Variants in CDH13 observed in about 807,000 individuals in gnomAD.
CDH13 encodes cadherin-13.
In CDH13, 24 loss-of-function variants were observed where a neutral mutation model predicts 63.8. The observed-to-expected ratio is 0.38, with a 90% CI of 0.27 to 0.53. The LOEUF (loss-of-function observed/expected upper bound fraction) is 0.53. Among genes scored for constraint, CDH13 ranks in the 20% least tolerant of loss-of-function variants. CDH13 has a pLI of 0.85. For missense variants in CDH13, 1,049 were observed against 903.1 expected (o/e 1.16, Z -2.07); for synonymous variants, 503 against 355.3 (o/e 1.42, Z -4.67).
intron 5 of CDH13, among the ~76,000 whole-genome samples, chr16:83,308,390 G>C (rs559603841): frequency 1.4e-4 from 22 of 152,330 alleles, no homozygotes; most frequent in African/African-American, 5.3e-4. Flanking sequence ...AGATGTTCTA[G>C]ATTTTCCTGG....
At position 82,667,617 on chromosome 16, in the gene CDH13, G is replaced by A. The variant is rs142610997; in HGVS notation, c.45+40480G>A. Among the ~76,000 whole-genome samples, 334 of 152,254 alleles carry A rather than the reference G, an allele frequency of 2.2e-3. 4 individuals are homozygous for A. The highest frequency in any genetic ancestry group is 3.4e-3 in the Non-Finnish European group (233 of 68,016). Reference sequence around the variant, plus strand: ...GAGAGGAGTTGTCTGATGTCACGTTGCCCCTATCTGAAGTTGGACAGAGCC... The same window carrying A: ...GAGAGGAGTTGTCTGATGTCACGTTACCCCTATCTGAAGTTGGACAGAGCC... On this transcript the variant is annotated intron_variant, in intron 1 of 13. Coordinates refer to ENST00000567109, the MANE Select transcript of CDH13 (RefSeq NM_001257.5).
chr16:83,236,052 T>C (rs536846006), intron 5 of CDH13, among the ~76,000 whole-genome samples: 4 of 152,342 alleles, frequency 2.6e-5, no homozygotes, highest in Admixed American at 6.5e-5. Flanking sequence ...ATTTAACTTA[T>C]GATTCCAAAT....
chr16:82,833,168 T>C (rs1294110880), intron 1 of CDH13, among the ~76,000 whole-genome samples: 1 of 152,220 alleles, frequency 6.6e-6, no homozygotes, highest in African/African-American at 2.4e-5. Context: ...GTAAGTCATC[T>C]AAAAAACAAA....
At chr16:83,128,301 C>G (rs2035899722) in intron 4 of CDH13, among the ~76,000 whole-genome samples, 1 of 152,200 alleles carries the variant, frequency 6.6e-6, no homozygotes, top group South Asian at 2.1e-4. Flanking sequence ...TGTGGACCAG[C>G]TACATTAGCA....
chr16:82,885,988 G>C (rs2040874594), intron 2 of CDH13, among the ~76,000 whole-genome samples: 1 of 152,046 alleles, frequency 6.6e-6, no homozygotes, highest in South Asian at 2.1e-4. Context: ...TCAAGATCTG[G>C]TGAGAAAACA....
At chr16:83,763,090 C>CG (rs1454389045) in intron 11 of CDH13, among the ~76,000 whole-genome samples, 1 of 152,046 alleles carries the variant, frequency 6.6e-6, no homozygotes, top group African/African-American at 2.4e-5. Flanking sequence ...TTTAAAAGAA[C>CG]GGGGGAGTGA....
At chr16:83,719,426 T>C (rs1007985944) in intron 10 of CDH13, among the ~76,000 whole-genome samples, 1 of 151,590 alleles carries the variant, frequency 6.6e-6, no homozygotes, top group East Asian at 1.9e-4. Flanking sequence ...ACACTCCACG[T>C]CACTCACCCA....
chr16:82,857,527 T>C (rs936174208), intron 1 of CDH13, among the ~76,000 whole-genome samples: 3 of 152,212 alleles, frequency 2.0e-5, no homozygotes, highest in African/African-American at 4.8e-5. Context: ...GAGAGAATCG[T>C]ATACATCTCA....
intron 8 of CDH13, among the ~76,000 whole-genome samples, chr16:83,648,972 A>G (rs951710943): frequency 9.9e-5 from 15 of 152,264 alleles, no homozygotes; most frequent in East Asian, 5.8e-4. Context: ...CTACTATGCT[A>G]TCTGGCAATT....
chr16:82,987,441 A>G (rs1911083189), intron 2 of CDH13, among the ~76,000 whole-genome samples: 1 of 152,086 alleles, frequency 6.6e-6, no homozygotes, highest in Non-Finnish European at 1.5e-5. Context: ...CAGTGTCACG[A>G]TCCTGGCTCA....
intron 2 of CDH13, among the ~76,000 whole-genome samples, chr16:82,956,095 G>T (rs187824577): frequency 5.3e-5 from 8 of 151,956 alleles, no homozygotes; most frequent in African/African-American, 1.4e-4. Context: ...CCCAGCCCCA[G>T]ACTTTTTTTT....
At chr16:83,350,674 A>G (rs971733718) in intron 6 of CDH13, among the ~76,000 whole-genome samples, 5 of 152,088 alleles carry the variant, frequency 3.3e-5, no homozygotes, top group African/African-American at 1.2e-4. Context: ...TGGTATTCAT[A>G]GCTGAGGAGG....
chr16:83,116,517 C>T (rs1567844934), intron 3 of CDH13, among the ~76,000 whole-genome samples: 1 of 151,680 alleles, frequency 6.6e-6, no homozygotes, highest in South Asian at 2.1e-4. Flanking sequence ...TTCACATCAG[C>T]AATGAAAGAG....
In CDH13 at chr16:83,603,385, C is replaced by T. The variant is rs549885124; in HGVS notation, c.1101+791C>T. On this transcript the variant is annotated intron_variant, in intron 8 of 13. Transcript: ENST00000567109. ...TTTACTGTATCTACCATGGTGTCTCCCCCTGAGATCTGTTGCCTGATTTGA... is the reference window on the plus strand; with the variant it reads ...TTTACTGTATCTACCATGGTGTCTCTCCCTGAGATCTGTTGCCTGATTTGA... 5.1e-4 allele frequency among the ~76,000 whole-genome samples: 78 copies of T among 152,274 alleles called. 1 individual carries two copies. The highest frequency in any genetic ancestry group is 9.1e-4 in the Non-Finnish European group (62 of 68,016).
At chr16:83,280,049 G>A (rs1263543509) in intron 5 of CDH13, among the ~76,000 whole-genome samples, 1 of 152,180 alleles carries the variant, frequency 6.6e-6, no homozygotes, top group Non-Finnish European at 1.5e-5. Context: ...GATCAGGGTG[G>A]TGGTTGCTGA....
intron 5 of CDH13, among the ~76,000 whole-genome samples, chr16:83,324,825 C>A (rs907911830): frequency 2.6e-5 from 4 of 152,146 alleles, no homozygotes; most frequent in Non-Finnish European, 2.9e-5. Flanking sequence ...TGAGGAACTG[C>A]CAGACTATTT....
chr16:83,185,299 A>T (rs891310198), intron 4 of CDH13, among the ~76,000 whole-genome samples: 2 of 152,172 alleles, frequency 1.3e-5, no homozygotes, highest in Non-Finnish European at 2.9e-5. Flanking sequence ...AAATAAGAAT[A>T]ATAACTCCAA....
chr16:82,949,503 A>G (rs1404406719), intron 2 of CDH13, among the ~76,000 whole-genome samples: 1 of 152,204 alleles, frequency 6.6e-6, no homozygotes, highest in Non-Finnish European at 1.5e-5. Flanking sequence ...GGGGGACACA[A>G]TTCAACCCCT....
intron 5 of CDH13, among the ~76,000 whole-genome samples, chr16:83,221,179 C>A (rs2039689955): frequency 6.6e-6 from 1 of 152,206 alleles, no homozygotes; most frequent in Admixed American, 6.5e-5. Context: ...ATCTAATCTG[C>A]AAATTCCTTA....
Sources: gnomAD v4.1 joint callset for allele counts (sites outside exome capture counted in the v4.1 genomes callset) on GRCh38, gnomAD v4.1.1 for gene constraint, MANE v1.5 for transcripts, NCBI Gene and HGNC (gene_info 2026-07-23, HGNC 2026-07-21) for gene names.